Variants in SLC26A11 observed in about 807,000 individuals in gnomAD.
SLC26A11 encodes the protein sodium-independent sulfate anion transporter.
A neutral mutation model predicts 62.2 loss-of-function variants in SLC26A11; 58 were observed. The ratio of observed to expected loss-of-function variants is 0.93; its 90% confidence interval spans 0.76 to 1.16. The LOEUF (loss-of-function observed/expected upper bound fraction) is 1.16, where lower values mean the gene tolerates loss of function less well. Among genes scored for constraint, SLC26A11 ranks in the 50% most tolerant of loss-of-function variants. The probability of loss-of-function intolerance (pLI) is 0.00; values close to 1 mark genes in which losing one functional copy is unlikely to be tolerated. For synonymous variants in SLC26A11, 411 were observed against 368.9 expected (o/e 1.11, Z -1.31); for missense variants, 790 against 794.3 (o/e 0.99, Z 0.06).
At chr17:80,229,836 C>A (rs2042514099) in intron 7 of SLC26A11, among the ~76,000 whole-genome samples, 1 of 152,172 alleles carries the variant, frequency 6.6e-6, no homozygotes, top group Non-Finnish European at 1.5e-5. Context: ...ATCTCAGGCC[C>A]CACCCCAGAT....
Position 80,252,548 on chromosome 17 carries a change from T to A in SLC26A11, c.1730-77T>A. ...CTTCCAGGACTCTGGAAGGCCCTCC[T>A]TAATCCCTTCCTGTGAACTGACCCA... On this transcript the variant is annotated intron_variant, in intron 17 of 17. Coordinates refer to ENST00000361193, the MANE Select transcript of SLC26A11 (RefSeq NM_001166347.2). The surrounding 1 kb of genome is among the most constrained non-coding windows in gnomAD (Gnocchi z 5.2). The A allele has an allele frequency of 7.0e-7, 1 of 1,418,862 alleles. No individual in the cohort carries two copies. The highest frequency in any genetic ancestry group is 2.3e-5 in the East Asian group (1 of 43,192). The allele number at this position is 1,418,862 out of a possible 1,614,324, so 87.9% of individuals were successfully genotyped here.
chr17:80,233,598 A>C (rs75159383), intron 7 of SLC26A11, among the ~76,000 whole-genome samples: 1 of 108,538 alleles, frequency 9.2e-6, no homozygotes, highest in Admixed American at 8.4e-5. Context: ...TTTTTTTTTT[A>C]TTTGACAGGA....
chr17:80,224,905 G>A (rs2042364607), intron 5 of SLC26A11, among the ~76,000 whole-genome samples: 2 of 152,144 alleles, frequency 1.3e-5, no homozygotes, highest in South Asian at 4.2e-4. Flanking sequence ...TACCCCAACA[G>A]TCCCAGAGTC....
At chr17:80,248,964 C>G (rs896301563) in intron 15 of SLC26A11, among the ~76,000 whole-genome samples, 190 bp from the exon 16 acceptor site, 1 of 152,196 alleles carries the variant, frequency 6.6e-6, no homozygotes, top group Non-Finnish European at 1.5e-5. Context: ...AGGGAAACAG[C>G]TGCTGCTGTC....
In SLC26A11 at chr17:80,223,410, C is replaced by T. The variant is rs2042279962; in HGVS notation, c.513+73C>T. On this transcript the variant is annotated intron_variant, in intron 5 of 17. Coordinates refer to ENST00000361193, the MANE Select transcript of SLC26A11 (RefSeq NM_001166347.2). This position sits in a 1 kb window ranked among gnomAD's most constrained non-coding sequence, Gnocchi z 4.6. ...TGGCACAGGGATGGCGGGAGCAGGACTGAGGCCAGTCCTGATCCCTGTGGC... is the reference window on the plus strand; with the variant it reads ...TGGCACAGGGATGGCGGGAGCAGGATTGAGGCCAGTCCTGATCCCTGTGGC... 7.1e-7 allele frequency: 1 copy of T among 1,414,622 alleles called. No individual in the cohort carries two copies. The highest frequency in any genetic ancestry group is 1.2e-5 in the South Asian group (1 of 85,758). 87.6% of individuals were successfully genotyped at this position (1,414,622 alleles called of 1,614,324 possible).
intron 8 of SLC26A11, 25 bp downstream of exon 8, chr17:80,237,128 G>A (rs1309200918): frequency 3.1e-6 from 5 of 1,599,938 alleles, no homozygotes; most frequent in Admixed American, 1.7e-5. Context: ...GAGGCAGGAT[G>A]GCGTGGCTGA....
Position 80,223,182 on chromosome 17 carries a change from C to T in SLC26A11, c.428-70C>T. 1.4e-6 allele frequency: 2 copies of T among 1,434,080 alleles called. No individual in the cohort carries two copies. The highest frequency in any genetic ancestry group is 2.0e-6 in the Non-Finnish European group (2 of 1,021,650). The allele number at this position is 1,434,080 out of a possible 1,614,324, so 88.8% of individuals were successfully genotyped here. On this transcript the variant is annotated intron_variant, in intron 4 of 17. Transcript: ENST00000361193. The surrounding 1 kb of genome is among the most constrained non-coding windows in gnomAD (Gnocchi z 4.6). Reference sequence around the variant, plus strand: ...CCACCCATTGCCACCTTCCCCAGCTCACATCTCCCCTCATCCTCTGGGACT... The same window carrying T: ...CCACCCATTGCCACCTTCCCCAGCTTACATCTCCCCTCATCCTCTGGGACT...
chr17:80,238,811 G>GGTTTTTTTT lies in SLC26A11; in HGVS notation c.985+1217_985+1218insGTTTTTTTT, dbSNP rs1555629117. The stretch of plus-strand genomic sequence containing the variant: ...TCTAACCCTTACCCCCTTCAAAGGA[G>GGTTTTTTTT]TTTTTTTTGTTTTTTGTTTTTTTTT... On this transcript the variant is annotated intron_variant, in intron 9 of 17. Coordinates refer to ENST00000361193, the MANE Select transcript of SLC26A11 (RefSeq NM_001166347.2). Among the ~76,000 whole-genome samples the GGTTTTTTTT allele has an allele frequency of 6.4e-4, 79 of 123,254 alleles. 6 individuals are homozygous for GGTTTTTTTT. Among genetic ancestry groups the GGTTTTTTTT allele is most frequent in the African/African-American group, 2.7e-3 (79 of 29,224 alleles). The allele number at this position is 123,254 out of a possible 152,430, so 80.9% of individuals were successfully genotyped here.
chr17:80,238,078 C>T (rs1185033366), intron 9 of SLC26A11, among the ~76,000 whole-genome samples: 1 of 152,214 alleles, frequency 6.6e-6, no homozygotes, highest in East Asian at 1.9e-4. Flanking sequence ...TATCTTTGGG[C>T]CAGGCATGGT....
chr17:80,239,482 T>C (rs919877696), intron 9 of SLC26A11, among the ~76,000 whole-genome samples: 3 of 151,152 alleles, frequency 2.0e-5, no homozygotes, highest in Middle Eastern at 3.4e-3. Context: ...CTCCGCCTCC[T>C]GGGTTCACGC....
chr17:80,241,897 T>G, intron 10 of SLC26A11, 76 bp downstream of exon 10: 1 of 1,487,938 alleles, frequency 6.7e-7, no homozygotes, highest in Non-Finnish European at 9.4e-7. Flanking sequence ...CTGTGTCTCC[T>G]GCATTGTAGG....
At position 80,245,252 on chromosome 17, in the gene SLC26A11, G is replaced by A; in HGVS notation, c.1093G>A (p.Gly365Arg). The change falls in exon 11 of 18, where the codon GGA becomes AGA. Residue 365 changes from glycine to arginine, a missense_variant. Gly to Arg is a moderately radical substitution (Grantham distance 125). Transcript: ENST00000361193. ...CTCCTACCCGGTCACAGGCAGCTTT[G>A]GACGGTGAGTGACCTGTCCGCCTCT... ...VSSYPVTGSF[G>R]RTAVNAQSGV... The A allele has an allele frequency of 6.2e-7, 1 of 1,613,904 alleles. No individual in the cohort carries two copies.
chr17:80,235,290 G>A (rs2042664279), intron 7 of SLC26A11, among the ~76,000 whole-genome samples: 1 of 151,746 alleles, frequency 6.6e-6, no homozygotes, highest in African/African-American at 2.4e-5. Flanking sequence ...TTTGGTTACA[G>A]TTACTCTTTT....
In SLC26A11 at chr17:80,241,767, T is replaced by G. The variant is rs12942462; in HGVS notation, c.986-4T>G. 0.25 allele frequency: 403,746 copies of G among 1,613,298 alleles called. 53,393 individuals are homozygous for G. The highest frequency in any genetic ancestry group is 0.38 in the Admixed American group (22,840 of 60,002). On this transcript the variant is annotated splice_polypyrimidine_tract_variant and splice_region_variant and intron_variant, in intron 9 of 17. Transcript: ENST00000361193. ...ACCAGGTCTTTACCGTTGGTTCCCT[T>G]TAGCATCTCAGAATAATTACCGCAT...
intron 16 of SLC26A11, among the ~76,000 whole-genome samples, chr17:80,250,480 A>G (rs1445434898): frequency 6.6e-6 from 1 of 152,150 alleles, no homozygotes; most frequent in Non-Finnish European, 1.5e-5. Flanking sequence ...CATAAGTGTT[A>G]CGTCCTGTGT....
chr17:80,237,445 T>G, intron 8 of SLC26A11, 77 bp from the exon 9 acceptor site: 1 of 1,381,154 alleles, frequency 7.2e-7, no homozygotes, highest in Non-Finnish European at 1.0e-6. Context: ...GCGGGGTGGG[T>G]CCTTGCTGCT....
chr17:80,230,021 C>T (rs2042519539), intron 7 of SLC26A11, among the ~76,000 whole-genome samples: 1 of 151,794 alleles, frequency 6.6e-6, no homozygotes, highest in African/African-American at 2.4e-5. Flanking sequence ...TTGGCCAAAC[C>T]CCGTCTCTAC....
At chr17:80,237,428 C>A in intron 8 of SLC26A11, 94 bp from the exon 9 acceptor site, 1 of 1,192,736 alleles carries the variant, frequency 8.4e-7, no homozygotes, top group Non-Finnish European at 1.2e-6. Flanking sequence ...CTCCTGTTAC[C>A]TGTGGGGCGG....
intron 2 of SLC26A11, 126 bp from the exon 3 acceptor site, chr17:80,221,422 G>T: frequency 3.0e-6 from 2 of 661,804 alleles, no homozygotes; most frequent in Non-Finnish European, 5.0e-6. Context: ...TCTTAGAGCC[G>T]TTCGCCCCCC....
Sources: gnomAD v4.1 joint callset for allele counts (sites outside exome capture counted in the v4.1 genomes callset) on GRCh38, gnomAD v4.1.1 for gene constraint, Gnocchi (gnomAD v3.1) non-coding constraint, MANE v1.5 for transcripts, NCBI Gene and HGNC (gene_info 2026-07-23, HGNC 2026-07-21) for gene names.